The following DCLK1 variants were observed in gnomAD, a reference collection of about 807,000 sequenced individuals.
DCLK1 encodes doublecortin like kinase 1.
Under a neutral mutation model 86.2 loss-of-function variants are expected in DCLK1, and 16 were observed. The ratio of observed to expected loss-of-function variants is 0.19; its 90% CI spans 0.13 to 0.28. The LOEUF is 0.28. DCLK1 is among the 10% of genes least tolerant of loss of function. The probability of loss-of-function intolerance (pLI) is 1.00; values close to 1 mark genes in which losing one functional copy is unlikely to be tolerated. For synonymous variants in DCLK1, 369 were observed against 370.5 expected (o/e 1.00, Z 0.05); for missense variants, 590 against 940.2 (o/e 0.63, Z 4.87).
chr13:35,959,854 C>CAT (rs1453302468), intron 3 of DCLK1, among the ~76,000 whole-genome samples: 44 of 149,410 alleles, frequency 2.9e-4, no homozygotes, highest in African/African-American at 9.1e-4. Context: ...TACAGCAAGT[C>CAT]GTGTGTGTGT....
Position 36,061,949 on chromosome 13 carries a change from C to A in DCLK1, c.723+49920G>T, listed in dbSNP as rs77505574. 9.6e-4 allele frequency among the ~76,000 whole-genome samples: 146 copies of A among 152,240 alleles called. 1 individual carries two copies. In the East Asian group the frequency reaches 0.027, roughly 29 times the overall value. On this transcript the variant is annotated intron_variant, in intron 3 of 16. Coordinates refer to ENST00000360631, the MANE Select transcript of DCLK1 (RefSeq NM_001330071.2). The stretch of plus-strand genomic sequence containing the variant: ...ACAACTCGTTGGAAACCCCAAAGTC[C>A]CATTTTTCAGACTTTTCATCTGTTA...
intron 3 of DCLK1, among the ~76,000 whole-genome samples, chr13:36,017,370 G>A (rs567631736): frequency 6.6e-6 from 1 of 152,148 alleles, no homozygotes; most frequent in Non-Finnish European, 1.5e-5. Flanking sequence ...GATGAAGATA[G>A]AATGTAACAC....
chr13:36,050,016 C>A (rs1883067454), intron 3 of DCLK1, among the ~76,000 whole-genome samples: 1 of 152,146 alleles, frequency 6.6e-6, no homozygotes, highest in South Asian at 2.1e-4. Context: ...TAATTTACAG[C>A]TACCAAGTGT....
At chr13:36,121,280 T>C (rs1391384594) in intron 2 of DCLK1, among the ~76,000 whole-genome samples, 1 of 152,196 alleles carries the variant, frequency 6.6e-6, no homozygotes, top group Non-Finnish European at 1.5e-5. Context: ...GCATAAAAAG[T>C]TACCTTCTGG....
chr13:35,789,022 A>G (rs963484118), intron 16 of DCLK1, among the ~76,000 whole-genome samples: 1 of 152,234 alleles, frequency 6.6e-6, no homozygotes, highest in Non-Finnish European at 1.5e-5. Flanking sequence ...CACAAAGTAC[A>G]ATAAATAGAA....
intron 6 of DCLK1, chr13:35,847,718 G>A (rs1250460330): frequency 3.0e-6 from 3 of 984,782 alleles, no homozygotes; most frequent in Non-Finnish European, 3.6e-6. Flanking sequence ...GGCTGGTTAT[G>A]TAGGGTATAT....
At chr13:35,810,104 T>G (rs1049238681) in intron 12 of DCLK1, among the ~76,000 whole-genome samples, 1 of 151,856 alleles carries the variant, frequency 6.6e-6, no homozygotes. Flanking sequence ...ACCAAAGGAG[T>G]CTTTGACTCA....
intron 3 of DCLK1, among the ~76,000 whole-genome samples, chr13:36,086,220 C>T (rs1192300239): frequency 1.3e-5 from 2 of 152,078 alleles, no homozygotes; most frequent in Non-Finnish European, 2.9e-5. Flanking sequence ...TTAGCTCCTT[C>T]GACAAACCAA....
chr13:35,929,490 T>C (rs745329755), intron 4 of DCLK1, among the ~76,000 whole-genome samples: 5 of 152,244 alleles, frequency 3.3e-5, no homozygotes, highest in Admixed American at 6.5e-5. Flanking sequence ...TGTCCTTTAG[T>C]GGACAAAAGG....
chr13:35,822,968 G>T, intron 10 of DCLK1, 93 bp from the exon 11 acceptor site: 1 of 1,435,920 alleles, frequency 7.0e-7, no homozygotes, highest in Non-Finnish European at 9.5e-7. Context: ...AGGACAGGAA[G>T]AATGGATGTG....
chr13:35,849,116 C>T, intron 6 of DCLK1: 2 of 985,284 alleles, frequency 2.0e-6, no homozygotes, highest in Non-Finnish European at 1.2e-6. Context: ...TATTATAGGG[C>T]TAAGTTTTCA....
At position 36,112,187 on chromosome 13, in the gene DCLK1, C is replaced by T. The variant is rs760923078; in HGVS notation, c.405G>A (p.Glu135=). ...TGGTGTACTCCAGTTTCTTGAAGGG[C>T]TCTATGGAGCCACATACATAACTCT... The part of the protein sequence containing the change: ...EGESYVCGSI[E]PFKKLEYTKN... The change falls in exon 3 of 17, where the codon GAG becomes GAA. Residue 135 remains glutamate, a synonymous_variant. Coordinates refer to ENST00000360631, the MANE Select transcript of DCLK1 (RefSeq NM_001330071.2). The T allele has an allele frequency of 6.3e-7, 1 of 1,597,186 alleles. No homozygotes were observed. Among genetic ancestry groups the T allele is most frequent in the South Asian group, 1.1e-5 (1 of 90,764 alleles).
rs1278623880 is a variant in DCLK1, at chr13:36,045,328, GTGTGTATATATATATATA to G, written c.723+66523_723+66540del. Among the ~76,000 whole-genome samples the G allele has an allele frequency of 8.8e-5, 4 of 45,234 alleles. 1 individual carries two copies. Among genetic ancestry groups the G allele is most frequent in the East Asian group, 1.6e-3 (1 of 636 alleles). 29.7% of individuals were successfully genotyped at this position (45,234 alleles called of 152,430 possible). On this transcript the variant is annotated intron_variant, in intron 3 of 16. Transcript: ENST00000360631. The stretch of plus-strand genomic sequence containing the variant: ...TATATATGTCTATATATGTGTGTGT[GTGTGTATATATATATATA>G]TATATATATATATATATATATATAT...
intron 15 of DCLK1, chr13:35,805,367 G>C (rs1018550421): frequency 5.5e-5 from 14 of 253,154 alleles, no homozygotes; most frequent in Non-Finnish European, 9.7e-5. Flanking sequence ...CACGATCTTG[G>C]CTTACTACCA....
chr13:36,021,784 A>G (rs1178139235), intron 3 of DCLK1, among the ~76,000 whole-genome samples: 1 of 152,154 alleles, frequency 6.6e-6, no homozygotes, highest in African/African-American at 2.4e-5. Flanking sequence ...ACCTGTACAC[A>G]ATTCAACAAT....
intron 7 of DCLK1, among the ~76,000 whole-genome samples, chr13:35,838,107 GC>G (rs1487089804): frequency 6.8e-6 from 1 of 146,062 alleles, no homozygotes; most frequent in Non-Finnish European, 1.5e-5. Context: ...AAAAGGCTTA[GC>G]CAAAGGCTTA....
chr13:36,021,275 T>C (rs1593824511), intron 3 of DCLK1, among the ~76,000 whole-genome samples: 2 of 149,966 alleles, frequency 1.3e-5, no homozygotes, highest in African/African-American at 2.5e-5. Context: ...CAATAAGAGG[T>C]TTAAAATTAT....
At chr13:35,988,005 G>A (rs1236976653) in intron 3 of DCLK1, among the ~76,000 whole-genome samples, 1 of 152,182 alleles carries the variant, frequency 6.6e-6, no homozygotes, top group Admixed American at 6.5e-5. Flanking sequence ...GCTGGTGAAG[G>A]CAGCCCCAGC....
intron 3 of DCLK1, among the ~76,000 whole-genome samples, chr13:36,056,571 C>A: frequency 8.2e-6 from 1 of 122,162 alleles, no homozygotes; most frequent in Non-Finnish European, 1.6e-5. Flanking sequence ...ACATATGTAA[C>A]TAACCTGCAC....
Sources: allele counts gnomAD v4.1 joint callset (sites outside exome capture counted in the v4.1 genomes callset), GRCh38; gene constraint gnomAD v4.1.1; transcripts MANE v1.5; gene names NCBI Gene and HGNC (gene_info 2026-07-23, HGNC 2026-07-21).